RINL: variants seen among roughly 807,000 people sequenced by gnomAD.
RINL encodes the protein Ras and Rab interactor like.
A neutral mutation model predicts 58.1 loss-of-function variants in RINL; 39 were observed. The observed-to-expected ratio is 0.67, with a 90% CI of 0.52 to 0.88. The LOEUF is 0.88. Ranked by LOEUF, RINL falls within the 40% of genes least tolerant of loss-of-function variation. The pLI is 0.00. For synonymous variants in RINL, 286 were observed against 323.1 expected, an observed-to-expected ratio of 0.89 and a Z score of 1.23; for missense variants, 711 against 749.2, an observed-to-expected ratio of 0.95 and a Z score of 0.60.
chr19:38,871,105 GCT>G lies in RINL; in HGVS notation c.572_573del (p.Glu191AlafsTer8). On this transcript the variant is annotated frameshift_variant, in exon 7 of 12. Transcript: ENST00000591812. LOFTEE classifies it high-confidence loss of function. ...GGATCATGTCTCTGAGCAGCCTCTG[GCT>G]CTGTTTCTTGAGGGGTCTGCTCCCT... The part of the protein sequence containing the change: ...WGREQTPQET[E>X]PEAAQRHDPA... The G allele has an allele frequency of 6.2e-7, 1 of 1,609,286 alleles. No homozygotes were observed. Among genetic ancestry groups the G allele is most frequent in the South Asian group, 1.1e-5 (1 of 90,438 alleles).
rs569103520 is a variant in RINL at position 38,877,769 on chromosome 19, G to A, written c.-40+463C>T. Among the ~76,000 whole-genome samples, 351 of 152,116 alleles carry A rather than the reference G, an allele frequency of 2.3e-3. 2 individuals carry two copies. The highest frequency in any genetic ancestry group is 7.9e-3 in the African/African-American group (326 of 41,466). ...GTCCCAGGAGCAGGAGACCTGGATCGGGGGAGGATCCATCCTCCCTCCCTC... is the reference window on the plus strand; with the variant it reads ...GTCCCAGGAGCAGGAGACCTGGATCAGGGGAGGATCCATCCTCCCTCCCTC... On this transcript the variant is annotated intron_variant, in intron 1 of 11. Transcript: ENST00000591812.
Position 38,870,005 on chromosome 19 carries a change from A to G in RINL, c.1280T>C (p.Val427Ala), listed in dbSNP as rs1293640615. The change falls in exon 9 of 12, where the codon GTG (valine) becomes GCG (alanine). Residue 427 changes from valine (V) to alanine (A), a missense_variant. Coordinates refer to ENST00000591812, the MANE Select transcript of RINL (RefSeq NM_001195833.2). The surrounding 1 kb of genome is among the most constrained non-coding windows in gnomAD (Gnocchi z 5.8). ...TCTGCACACCTCCAAGAGGAGCGCC[A>G]CCTTGCGGCGCGGGGCGCAGGCAGC... ...LHAACAPRRK[V>A]ALLLEVCRDV... is the part of the protein sequence containing the mutation. 3 of 1,584,194 alleles carry G rather than the reference A, an allele frequency of 1.9e-6. No homozygotes were observed. The highest frequency in any genetic ancestry group is 2.6e-6 in the Non-Finnish European group (3 of 1,167,732).
intron 3 of RINL, among the ~76,000 whole-genome samples, chr19:38,875,207 C>CT (rs1303981479): frequency 6.3e-5 from 9 of 141,830 alleles, no homozygotes; most frequent in South Asian, 2.3e-4. Context: ...TTTTTTTTTT[C>CT]TTTTTTCTTT....
Position 38,876,829 on chromosome 19 carries a change from A to G in RINL, c.-39-48T>C, listed in dbSNP as rs1271535951. On this transcript the variant is annotated intron_variant, in intron 1 of 11. Transcript: ENST00000591812. Reference sequence around the variant, plus strand: ...TCAAAGCTGCTCTAGCCCTCGGGTCATGTTCAAGATATTTACAATCAATAT... The same window carrying G: ...TCAAAGCTGCTCTAGCCCTCGGGTCGTGTTCAAGATATTTACAATCAATAT... 9.4e-6 allele frequency: 10 copies of G among 1,059,974 alleles called. No homozygotes were observed. The South Asian group carries it at 1.2e-4, about 13-fold the overall frequency. 65.7% of individuals were successfully genotyped at this position (1,059,974 alleles called of 1,614,324 possible).
At position 38,871,199 on chromosome 19, in the gene RINL, C is replaced by T; in HGVS notation, c.480G>A (p.Gln160=). ...TDPVQIGRVQ[Q]DTPGKVLSIV... is the part of the protein sequence containing the mutation. ...TGGAAAGCACCTTCCCTGGGGTGTCCTGTTGGACCCTGCCGATCTGCACAG... is the reference window on the plus strand; with the variant it reads ...TGGAAAGCACCTTCCCTGGGGTGTCTTGTTGGACCCTGCCGATCTGCACAG... Residue 160 remains glutamine (Q), a synonymous_variant, in exon 7 of 12, where the codon CAG becomes CAA. Transcript: ENST00000591812. 6.2e-7 allele frequency: 1 copy of T among 1,614,038 alleles called. No individual in the cohort carries two copies. Among genetic ancestry groups the T allele is most frequent in the Non-Finnish European group, 8.5e-7 (1 of 1,180,004 alleles).
rs764253612 is a variant in RINL at position 38,870,169 on chromosome 19, C to T, written c.1116G>A (p.Glu372=). ...WTRLRTLRAP[E]LRRLRRRQTA... Reference sequence around the variant, plus strand: ...TCTGTCGCCGCCGCAGCCGCCGCAGCTCCGGTGCTCGGAGTGTGCGGAGTC... The same window carrying T: ...TCTGTCGCCGCCGCAGCCGCCGCAGTTCCGGTGCTCGGAGTGTGCGGAGTC... Residue 372 remains glutamate, a synonymous_variant, in exon 9 of 12, where the codon GAG becomes GAA. Transcript: ENST00000591812. The surrounding 1 kb of genome is among the most constrained non-coding windows in gnomAD (Gnocchi z 5.8). The T allele has an allele frequency of 2.8e-6, 4 of 1,408,566 alleles. No individual in the cohort carries two copies. Among genetic ancestry groups the T allele is most frequent in the Non-Finnish European group, 3.7e-6 (4 of 1,092,104 alleles). 87.3% of individuals were successfully genotyped at this position (1,408,566 alleles called of 1,614,324 possible).
Position 38,869,282 on chromosome 19 carries a change from G to A in RINL, c.1603C>T (p.Arg535Trp), listed in dbSNP as rs1466478403. The A allele has an allele frequency of 6.2e-7, 1 of 1,613,936 alleles. No homozygotes were observed. The highest frequency in any genetic ancestry group is 8.5e-7 in the Non-Finnish European group (1 of 1,179,976). Reference sequence around the variant, plus strand: ...GGATGATCCTTTCTGTGCAGCGTCCGCCTGCGGTGCCACTGGTGCAGGGAG... The same window carrying A: ...GGATGATCCTTTCTGTGCAGCGTCCACCTGCGGTGCCACTGGTGCAGGGAG... ...RASLHQWHRR[R>W]TLHRKDHPRA... The change falls in exon 11 of 12, where the codon CGG (arginine) becomes TGG (tryptophan). Residue 535 changes from arginine to tryptophan, a missense_variant. Coordinates refer to ENST00000591812, the MANE Select transcript of RINL (RefSeq NM_001195833.2). The surrounding 1 kb of genome is among the most constrained non-coding windows in gnomAD (Gnocchi z 5.7).
At chr19:38,875,922 C>G (rs886164554) in intron 3 of RINL, among the ~76,000 whole-genome samples, 1 of 152,116 alleles carries the variant, frequency 6.6e-6, no homozygotes, top group Non-Finnish European at 1.5e-5. Context: ...TTGTTTAAAC[C>G]GCTGTAGGAC....
At chr19:38,872,729 G>T (rs934730324) in intron 4 of RINL, among the ~76,000 whole-genome samples, 18 of 152,000 alleles carry the variant, frequency 1.2e-4, no homozygotes, top group African/African-American at 4.3e-4. Context: ...AAAAAATTGG[G>T]AGGTGGGGGC....
Position 38,869,298 on chromosome 19 carries a change from G to A in RINL, c.1587C>T (p.His529=). 1 of 1,614,124 alleles carries A rather than the reference G, an allele frequency of 6.2e-7. No individual in the cohort carries two copies. The highest frequency in any genetic ancestry group is 8.5e-7 in the Non-Finnish European group (1 of 1,180,004). ...GCAGCGTCCGCCTGCGGTGCCACTG[G>A]TGCAGGGAGGCGCGGGCCTCGGAGC... ...GLSSEARASL[H]QWHRRRTLHR... The change falls in exon 11 of 12, where the codon CAC becomes CAT. Residue 529 remains histidine, a synonymous_variant. Transcript: ENST00000591812. The surrounding 1 kb of genome is among the most constrained non-coding windows in gnomAD (Gnocchi z 5.7).
rs147307947 is a variant in RINL, at chr19:38,871,135, C to A, written c.544G>T (p.Gly182Trp). 2.8e-5 allele frequency: 45 copies of A among 1,613,584 alleles called. No individual in the cohort carries two copies. In the African/African-American group the frequency reaches 4.8e-4, roughly 17 times the overall value. ...QLYLETHRGW[G>W]REQTPQETEP... is the part of the protein sequence containing the mutation. The stretch of plus-strand genomic sequence containing the variant: ...GTTTCTTGAGGGGTCTGCTCCCTCC[C>A]CCAGCCTCTGTGGGTCTCCAGGTAG... Residue 182 changes from glycine to tryptophan, a missense_variant, in exon 7 of 12, where the codon GGG becomes TGG. Physicochemically the swap from Gly to Trp is radical, Grantham distance 184 (BLOSUM62 -2). Coordinates refer to ENST00000591812, the MANE Select transcript of RINL (RefSeq NM_001195833.2).
Position 38,870,278 on chromosome 19 carries a change from C to T in RINL, c.1025-18G>A. On this transcript the variant is annotated intron_variant, in intron 8 of 11. Coordinates refer to ENST00000591812, the MANE Select transcript of RINL (RefSeq NM_001195833.2). The surrounding 1 kb of genome is among the most constrained non-coding windows in gnomAD (Gnocchi z 5.8). ...CGCGGGGCCTGCGGGGTGTGGGGGACGGGTGAGCACAGGACCGCCAAGTTG... is the reference window on the plus strand; with the variant it reads ...CGCGGGGCCTGCGGGGTGTGGGGGATGGGTGAGCACAGGACCGCCAAGTTG... The T allele has an allele frequency of 7.3e-7, 1 of 1,377,450 alleles. No individual in the cohort carries two copies. The highest frequency in any genetic ancestry group is 9.3e-7 in the Non-Finnish European group (1 of 1,070,686). The allele number at this position is 1,377,450 out of a possible 1,614,324, so 85.3% of individuals were successfully genotyped here.
At chr19:38,874,700 A>G (rs988738622) in intron 3 of RINL, among the ~76,000 whole-genome samples, 2 of 152,220 alleles carry the variant, frequency 1.3e-5, no homozygotes, top group African/African-American at 2.4e-5. Flanking sequence ...TGTCGTCTCC[A>G]AACCTATTCC....
intron 4 of RINL, among the ~76,000 whole-genome samples, chr19:38,873,049 AGAGT>A (rs894060030): frequency 2.6e-5 from 4 of 152,146 alleles, no homozygotes; most frequent in Non-Finnish European, 5.9e-5. Flanking sequence ...CCTGAGCGAC[AGAGT>A]GAGACTCTGT....
chr19:38,870,511 G>T lies in RINL; in HGVS notation c.1024+59C>A. 2 of 1,490,256 alleles carry T rather than the reference G, an allele frequency of 1.3e-6. No individual in the cohort carries two copies. The highest frequency in any genetic ancestry group is 1.8e-6 in the Non-Finnish European group (2 of 1,118,614). The allele number at this position is 1,490,256 out of a possible 1,614,324, so 92.3% of individuals were successfully genotyped here. ...CAGAAGGAAACGTGTGCGCACCGATGGAGAGGACGAAGTTGCACACTTGAA... is the reference window on the plus strand; with the variant it reads ...CAGAAGGAAACGTGTGCGCACCGATTGAGAGGACGAAGTTGCACACTTGAA... On this transcript the variant is annotated intron_variant, in intron 8 of 11. Transcript: ENST00000591812. This position sits in a 1 kb window ranked among gnomAD's most constrained non-coding sequence, Gnocchi z 5.8.
rs1972782189 is a variant in RINL, at chr19:38,870,520, G to A, written c.1024+50C>T. 4 of 1,504,588 alleles carry A rather than the reference G, an allele frequency of 2.7e-6. No homozygotes were observed. Among genetic ancestry groups the A allele is most frequent in the Non-Finnish European group, 2.7e-6 (3 of 1,127,084 alleles). 93.2% of individuals were successfully genotyped at this position (1,504,588 alleles called of 1,614,324 possible). A position where few individuals can be genotyped will look rare whatever the true frequency, so the allele number is the denominator to read the frequency against. ...ACGTGTGCGCACCGATGGAGAGGAC[G>A]AAGTTGCACACTTGAACCCGTGGGG... On this transcript the variant is annotated intron_variant, in intron 8 of 11. Coordinates refer to ENST00000591812, the MANE Select transcript of RINL (RefSeq NM_001195833.2). The surrounding 1 kb of genome is among the most constrained non-coding windows in gnomAD (Gnocchi z 5.8).
At chr19:38,873,774 C>T (rs1972861090) in intron 4 of RINL, 112 bp downstream of exon 4, 5 of 653,968 alleles carry the variant, frequency 7.6e-6, no homozygotes, top group Non-Finnish European at 1.3e-5. Flanking sequence ...GATCCACCCG[C>T]CTCGACCTAC....
Position 38,869,025 on chromosome 19 carries a change from T to C in RINL, c.*79A>G. ...TGTTTTGCCCAGGCTGGTCTCAAACTCCTGGGCTCAAGCAATCCTCCCACC... is the reference window on the plus strand; with the variant it reads ...TGTTTTGCCCAGGCTGGTCTCAAACCCCTGGGCTCAAGCAATCCTCCCACC... On this transcript the variant is annotated 3_prime_UTR_variant, in exon 12 of 12. Coordinates refer to ENST00000591812, the MANE Select transcript of RINL (RefSeq NM_001195833.2). This position sits in a 1 kb window ranked among gnomAD's most constrained non-coding sequence, Gnocchi z 5.7. 7.8e-7 allele frequency: 1 copy of C among 1,287,954 alleles called. No homozygotes were observed. The highest frequency in any genetic ancestry group is 1.1e-6 in the Non-Finnish European group (1 of 936,124). 79.8% of individuals were successfully genotyped at this position (1,287,954 alleles called of 1,614,324 possible). A position where few individuals can be genotyped will look rare whatever the true frequency, so the allele number is the denominator to read the frequency against.
intron 1 of RINL, among the ~76,000 whole-genome samples, chr19:38,877,422 C>A (rs1443843985): frequency 6.6e-6 from 1 of 152,222 alleles, no homozygotes; most frequent in Non-Finnish European, 1.5e-5. Flanking sequence ...TGGAAAAGTT[C>A]TTGGCCCAGA....
Sources: allele counts gnomAD v4.1 joint callset (sites outside exome capture counted in the v4.1 genomes callset), GRCh38; gene constraint gnomAD v4.1.1; non-coding constraint Gnocchi (gnomAD v3.1); transcripts MANE v1.5; gene names NCBI Gene and HGNC (gene_info 2026-07-23, HGNC 2026-07-21).